SDK1: variants seen among roughly 807,000 people sequenced by gnomAD.
SDK1 encodes the protein sidekick cell adhesion molecule 1.
SDK1 carries 157 observed loss-of-function variants against 245.5 expected under a neutral mutation model. That is an observed-to-expected ratio of 0.64 (90% CI 0.56 to 0.73). SDK1 has a LOEUF of 0.73. Among genes scored for constraint, SDK1 ranks in the 30% least tolerant of loss-of-function variants. SDK1 has a pLI of 0.00. For missense variants in SDK1, 3,583 were observed against 3,002.3 expected, an observed-to-expected ratio of 1.19 and a Z score of -4.52; for synonymous variants, 1,647 against 1,278.5, an observed-to-expected ratio of 1.29 and a Z score of -6.15.
chr7:3,337,574 G>A (rs1780235939), intron 1 of SDK1, among the ~76,000 whole-genome samples: 1 of 152,132 alleles, frequency 6.6e-6, no homozygotes, highest in Admixed American at 6.5e-5. Context: ...CAACCCAAAG[G>A]AATCTGTGCC....
At chr7:3,740,729 A>G (rs1372260902) in intron 4 of SDK1, among the ~76,000 whole-genome samples, 1 of 152,184 alleles carries the variant, frequency 6.6e-6, no homozygotes, top group Non-Finnish European at 1.5e-5. Context: ...TATTCTTAAC[A>G]AGATTCGTCT....
chr7:4,049,082 A>G (rs909585216), intron 17 of SDK1, among the ~76,000 whole-genome samples: 1 of 152,222 alleles, frequency 6.6e-6, no homozygotes, highest in Non-Finnish European at 1.5e-5. Context: ...ACCACAGGAA[A>G]GGCCCATCTG....
chr7:3,622,414 G>A (rs11771990), intron 2 of SDK1, among the ~76,000 whole-genome samples: 36,867 of 152,176 alleles, frequency 0.24, 5,374 homozygotes, highest in Non-Finnish European at 0.33. Context: ...CCAGGAGGCA[G>A]AGGTTGCAGT....
intron 1 of SDK1, among the ~76,000 whole-genome samples, chr7:3,339,032 G>C (rs1262851140): frequency 6.6e-6 from 1 of 152,242 alleles, no homozygotes; most frequent in East Asian, 1.9e-4. Flanking sequence ...CAGTGGTTAA[G>C]AAAACATCCA....
intron 5 of SDK1, among the ~76,000 whole-genome samples, chr7:3,904,358 A>G (rs1020179991): frequency 1.3e-5 from 2 of 152,190 alleles, no homozygotes; most frequent in Admixed American, 1.3e-4. Flanking sequence ...CTCTGGAACT[A>G]GGAAGTGCTA....
intron 2 of SDK1, among the ~76,000 whole-genome samples, chr7:3,624,943 G>A (rs774337302): frequency 2.6e-5 from 4 of 152,110 alleles, no homozygotes; most frequent in African/African-American, 7.2e-5. Context: ...TACTCGGGAG[G>A]CAGGAGAATC....
At chr7:3,987,148 GT>G in intron 13 of SDK1, 37 bp from the exon 14 acceptor site, 1 of 1,611,810 alleles carries the variant, frequency 6.2e-7, no homozygotes, top group African/African-American at 1.3e-5. Context: ...TCTGACATGT[GT>G]TTTCCTCTTT....
At chr7:3,713,988 TTCATC>T (rs1255230802) in intron 4 of SDK1, among the ~76,000 whole-genome samples, 1 of 152,212 alleles carries the variant, frequency 6.6e-6, no homozygotes, top group Non-Finnish European at 1.5e-5. Flanking sequence ...CAAAGACTGT[TTCATC>T]TCAGCCCACA....
intron 2 of SDK1, 25 bp downstream of exon 2, chr7:3,619,264 G>T (rs748460648): frequency 6.3e-7 from 1 of 1,586,510 alleles, no homozygotes; most frequent in Non-Finnish European, 8.6e-7. Flanking sequence ...GAAAAAATAA[G>T]ATCCCATTTC....
At chr7:3,355,465 C>G (rs73048676) in intron 1 of SDK1, among the ~76,000 whole-genome samples, 15,488 of 152,188 alleles carry the variant, frequency 0.1, 999 homozygotes, top group African/African-American at 0.17. Context: ...AATTACAGGC[C>G]TGAGCCACTG....
intron 1 of SDK1, among the ~76,000 whole-genome samples, chr7:3,462,315 A>T (rs894644744): frequency 6.6e-6 from 1 of 152,030 alleles, no homozygotes; most frequent in African/African-American, 2.4e-5. Context: ...CTCTCCTCTC[A>T]ATATCTTTCT....
chr7:4,061,639 C>T (rs1583984829), intron 19 of SDK1, among the ~76,000 whole-genome samples: 3 of 152,058 alleles, frequency 2.0e-5, no homozygotes, highest in Admixed American at 2.0e-4. Context: ...TGGGTATATA[C>T]CCAAATGACT....
At chr7:3,818,952 C>G (rs368007238) in intron 4 of SDK1, among the ~76,000 whole-genome samples, 70 of 152,280 alleles carry the variant, frequency 4.6e-4, no homozygotes, top group African/African-American at 1.5e-3. Context: ...GTTGCCACGA[C>G]AAAATCAGGG....
chr7:3,705,381 C>T (rs1784854427), intron 4 of SDK1, among the ~76,000 whole-genome samples: 2 of 150,464 alleles, frequency 1.3e-5, no homozygotes, highest in South Asian at 2.1e-4. Context: ...GTTTGTAGTT[C>T]TCTGAAGAGA....
intron 5 of SDK1, among the ~76,000 whole-genome samples, chr7:3,869,444 C>G (rs1429364791): frequency 6.6e-6 from 1 of 152,130 alleles, no homozygotes; most frequent in Non-Finnish European, 1.5e-5. Flanking sequence ...GTGTGAGCCA[C>G]CACGCCTGGC....
rs777787666 is a variant in SDK1, at chr7:4,233,415, G to T, written c.5988G>T (p.Val1996=). The part of the protein sequence containing the change: ...YGEPSNPSTA[V]SAQVEAPFYE... ...AGCCCAGCAACCCCTCCACGGCTGT[G>T]TCAGGTAGGCCCTCCCAGGGAGGTC... The change falls in exon 41 of 45, where the codon GTG becomes GTT. Residue 1996 remains valine (V), a synonymous_variant. Coordinates refer to ENST00000404826, the MANE Select transcript of SDK1 (RefSeq NM_152744.4). 3 of 1,611,644 alleles carry T rather than the reference G, an allele frequency of 1.9e-6. No homozygotes were observed. Among genetic ancestry groups the T allele is most frequent in the Middle Eastern group, 1.6e-4 (1 of 6,072 alleles).
chr7:4,119,197 C>T (rs1783909799), intron 25 of SDK1, among the ~76,000 whole-genome samples: 1 of 148,368 alleles, frequency 6.7e-6, no homozygotes, highest in Non-Finnish European at 1.5e-5. Context: ...TACCTGTAAT[C>T]CCAACACTTT....
At chr7:4,194,766 G>A (rs1783483586) in intron 35 of SDK1, among the ~76,000 whole-genome samples, 1 of 152,106 alleles carries the variant, frequency 6.6e-6, no homozygotes, top group Non-Finnish European at 1.5e-5. Context: ...GCTTTTCCCA[G>A]CCCACTGAGT....
intron 44 of SDK1, among the ~76,000 whole-genome samples, chr7:4,246,875 C>T (rs1326554989): frequency 6.6e-6 from 1 of 152,192 alleles, no homozygotes; most frequent in Non-Finnish European, 1.5e-5. Context: ...GTGCCAGGTC[C>T]TGTGCGGCGT....
Sources: gnomAD v4.1 joint callset for allele counts (sites outside exome capture counted in the v4.1 genomes callset) on GRCh38, gnomAD v4.1.1 for gene constraint, MANE v1.5 for transcripts, NCBI Gene and HGNC (gene_info 2026-07-23, HGNC 2026-07-21) for gene names.